Variants in PHLDB2 observed in about 807,000 individuals in gnomAD.
PHLDB2 encodes pleckstrin homology-like domain family B member 2.
PHLDB2 carries 71 observed loss-of-function variants against 123.6 expected under a neutral mutation model. The ratio of observed to expected loss-of-function variants is 0.57; its 90% confidence interval spans 0.47 to 0.70. The LOEUF (loss-of-function observed/expected upper bound fraction) is 0.70, where lower values mean the gene tolerates loss of function less well. Ranked by LOEUF, PHLDB2 falls within the 30% of genes least tolerant of loss-of-function variation. The pLI, the probability that PHLDB2 is intolerant of heterozygous loss-of-function variation, is 0.00. For missense variants in PHLDB2, 1,446 were observed against 1,519.5 expected, an observed-to-expected ratio of 0.95 and a Z score of 0.80; for synonymous variants, 547 against 541.6, an observed-to-expected ratio of 1.01 and a Z score of -0.14.
chr3:111,886,769 C>A (rs923308425), intron 2 of PHLDB2, among the ~76,000 whole-genome samples: 1 of 152,152 alleles, frequency 6.6e-6, no homozygotes, highest in Non-Finnish European at 1.5e-5. Context: ...TTATACAGTA[C>A]TCAGTATGAC....
At chr3:111,957,994 G>T (rs2107653125) in intron 12 of PHLDB2, 1 of 152,264 alleles carries the variant, frequency 6.6e-6, no homozygotes, top group Middle Eastern at 3.4e-3. Flanking sequence ...TATTTGTCTT[G>T]TAACAGTCTT....
intron 2 of PHLDB2, among the ~76,000 whole-genome samples, chr3:111,890,146 G>A (rs1276057374): frequency 6.6e-6 from 1 of 152,272 alleles, no homozygotes; most frequent in East Asian, 1.9e-4. Flanking sequence ...ACTGGATTCC[G>A]ATTCTACCTG....
At chr3:111,785,590 C>T (rs1330978035) in intron 1 of PHLDB2, among the ~76,000 whole-genome samples, 1 of 152,034 alleles carries the variant, frequency 6.6e-6, no homozygotes, top group Non-Finnish European at 1.5e-5. Flanking sequence ...TTAAATATGA[C>T]AGGATTCTTC....
intron 1 of PHLDB2, among the ~76,000 whole-genome samples, chr3:111,817,513 G>A (rs1229628519): frequency 6.6e-6 from 1 of 152,148 alleles, no homozygotes; most frequent in Non-Finnish European, 1.5e-5. Flanking sequence ...CACTTTCTGA[G>A]GATGTCACCT....
At position 111,836,210 on chromosome 3, in the gene PHLDB2, G is replaced by A. The variant is rs539553532; in HGVS notation, c.-48-9611G>A. Among the ~76,000 whole-genome samples, 4 of 152,294 alleles carry A rather than the reference G, an allele frequency of 2.6e-5. No individual in the cohort carries two copies. In the East Asian group the frequency reaches 7.7e-4, roughly 29 times the overall value. ...GGACAAAATGCAGAAAGAGAAGAAAGTGGCCATGATGAAGCATGTGTTCAC... is the reference window on the plus strand; with the variant it reads ...GGACAAAATGCAGAAAGAGAAGAAAATGGCCATGATGAAGCATGTGTTCAC... On this transcript the variant is annotated intron_variant, in intron 1 of 17. Transcript: ENST00000393923.
In PHLDB2 at chr3:111,839,940, C is replaced by CTTTTTTTTTTTTTTTTT. The variant is rs3082317; in HGVS notation, c.-48-5873_-48-5857dup. On this transcript the variant is annotated intron_variant, in intron 1 of 17. Transcript: ENST00000393923. ...TTTGTTTAAAAGCCCCCCACCCCCG[C>CTTTTTTTTTTTTTTTTT]TTTTTTTTTTTTTTTTTTTTTTTTG... Among the ~76,000 whole-genome samples the CTTTTTTTTTTTTTTTTT allele has an allele frequency of 2.2e-4, 14 of 64,948 alleles. 1 individual carries two copies. Among genetic ancestry groups the CTTTTTTTTTTTTTTTTT allele is most frequent in the African/African-American group, 3.3e-4 (5 of 15,172 alleles). 42.6% of individuals were successfully genotyped at this position (64,948 alleles called of 152,430 possible). A position where few individuals can be genotyped will look rare whatever the true frequency, so the allele number is the denominator to read the frequency against.
chr3:111,873,620 A>G (rs2065454091), intron 1 of PHLDB2, among the ~76,000 whole-genome samples: 1 of 152,180 alleles, frequency 6.6e-6, no homozygotes, highest in African/African-American at 2.4e-5. Flanking sequence ...TTAGCTTTTT[A>G]TTCTGCTTAG....
intron 13 of PHLDB2, among the ~76,000 whole-genome samples, chr3:111,965,944 C>G (rs1235016190): frequency 6.6e-6 from 1 of 152,118 alleles, no homozygotes; most frequent in Non-Finnish European, 1.5e-5. Flanking sequence ...TCCATCATTT[C>G]TTTTGAAGCT....
At chr3:111,741,001 A>G (rs968883316) in intron 1 of PHLDB2, among the ~76,000 whole-genome samples, 5 of 152,110 alleles carry the variant, frequency 3.3e-5, no homozygotes, top group African/African-American at 1.2e-4. Flanking sequence ...CATGGAGACA[A>G]TCTCACATAG....
intron 12 of PHLDB2, 90 bp downstream of exon 12, chr3:111,954,119 T>G (rs549369781): frequency 9.6e-5 from 114 of 1,186,910 alleles, no homozygotes; most frequent in Non-Finnish European, 1.3e-4. Flanking sequence ...TAGGGATGAT[T>G]AGAGGAGGGA....
At chr3:111,922,816 G>C (rs2068597619) in intron 5 of PHLDB2, among the ~76,000 whole-genome samples, 1 of 152,110 alleles carries the variant, frequency 6.6e-6, no homozygotes, top group South Asian at 2.1e-4. Context: ...CTGGCTCAGA[G>C]ATCATCTTAC....
chr3:111,815,579 G>C (rs1438508319), intron 1 of PHLDB2, among the ~76,000 whole-genome samples: 2 of 152,186 alleles, frequency 1.3e-5, no homozygotes, highest in Non-Finnish European at 2.9e-5. Flanking sequence ...TTCAACTTGA[G>C]AGAGATTATT....
intron 2 of PHLDB2, among the ~76,000 whole-genome samples, chr3:111,904,283 A>G (rs1049872322): frequency 6.6e-6 from 1 of 151,340 alleles, no homozygotes; most frequent in Admixed American, 6.6e-5. Flanking sequence ...GTCTCAAAAA[A>G]AAAAAAGGCC....
At chr3:111,882,713 T>A (rs1410966945) in intron 1 of PHLDB2, among the ~76,000 whole-genome samples, 1 of 152,202 alleles carries the variant, frequency 6.6e-6, no homozygotes, top group African/African-American at 2.4e-5. Context: ...TTTCTTGGCC[T>A]TCTGGATAAA....
At chr3:111,865,389 G>A (rs1400744335) in intron 1 of PHLDB2, among the ~76,000 whole-genome samples, 2 of 152,190 alleles carry the variant, frequency 1.3e-5, no homozygotes, top group African/African-American at 4.8e-5. Flanking sequence ...ACAGTCCGGT[G>A]AAATCTTTTC....
intron 6 of PHLDB2, among the ~76,000 whole-genome samples, chr3:111,938,801 TC>T (rs2069672259): frequency 7.2e-6 from 1 of 138,794 alleles, no homozygotes; most frequent in Non-Finnish European, 1.6e-5. Flanking sequence ...TTCCTTTCTT[TC>T]TTTTTTTATT....
intron 3 of PHLDB2, among the ~76,000 whole-genome samples, chr3:111,918,425 AC>A (rs1311997703): frequency 2.0e-5 from 3 of 152,372 alleles, no homozygotes; most frequent in Admixed American, 1.3e-4. Flanking sequence ...TAGTGCACTA[AC>A]ACAAAAGTGA....
At chr3:111,838,604 G>A (rs1353498529) in intron 1 of PHLDB2, among the ~76,000 whole-genome samples, 5 of 152,144 alleles carry the variant, frequency 3.3e-5, no homozygotes, top group African/African-American at 1.2e-4. Flanking sequence ...AATAGTTGTA[G>A]GCTTTACATA....
rs570266529 is a variant in PHLDB2 at position 111,926,325 on chromosome 3, A to T, written c.2001+5906A>T. The stretch of plus-strand genomic sequence containing the variant: ...CTCCCCATCCTTCCTTTGGAGCCAG[A>T]GAAAGACAGTGAGCCTAGCCCAGAA... On this transcript the variant is annotated intron_variant, in intron 5 of 17. Transcript: ENST00000431670. 7.4e-4 allele frequency among the ~76,000 whole-genome samples: 113 copies of T among 152,352 alleles called. 1 individual carries two copies. The highest frequency in any genetic ancestry group is 2.7e-3 in the African/African-American group (111 of 41,592).
Sources: gnomAD v4.1 joint callset for allele counts (sites outside exome capture counted in the v4.1 genomes callset) on GRCh38, gnomAD v4.1.1 for gene constraint, MANE v1.5 for transcripts, NCBI Gene and HGNC (gene_info 2026-07-23, HGNC 2026-07-21) for gene names.